CCSER1: variants seen among roughly 807,000 people sequenced by gnomAD.
The protein encoded by CCSER1 is coiled-coil serine rich protein 1.
In CCSER1, 41 loss-of-function variants were observed where a neutral mutation model predicts 82.0. The ratio of observed to expected loss-of-function variants is 0.50; its 90% confidence interval spans 0.39 to 0.65. The LOEUF (loss-of-function observed/expected upper bound fraction) is 0.65, where lower values mean the gene tolerates loss of function less well. CCSER1 is among the 30% of genes least tolerant of loss of function. The pLI is 0.00. For missense variants in CCSER1, 1,119 were observed against 1,064.2 expected (o/e 1.05, Z -0.72); for synonymous variants, 414 against 383.9 (o/e 1.08, Z -0.92).
chr4:91,286,841 A>T (rs1382849571), intron 10 of CCSER1, among the ~76,000 whole-genome samples: 1 of 151,938 alleles, frequency 6.6e-6, no homozygotes, highest in Admixed American at 6.6e-5. Flanking sequence ...TTTGGTTAAA[A>T]AAATTAAATG....
intron 10 of CCSER1, among the ~76,000 whole-genome samples, chr4:91,141,306 A>C (rs1428002676): frequency 6.6e-6 from 1 of 152,026 alleles, no homozygotes; most frequent in African/African-American, 2.4e-5. Flanking sequence ...GGCACCTGCC[A>C]CCACCTGACT....
intron 10 of CCSER1, among the ~76,000 whole-genome samples, chr4:91,103,366 C>T (rs1199471600): frequency 6.6e-6 from 1 of 152,094 alleles, no homozygotes; most frequent in Non-Finnish European, 1.5e-5. Flanking sequence ...CAGTGATCAC[C>T]ACATCCTCAC....
intron 1 of CCSER1, among the ~76,000 whole-genome samples, chr4:90,167,338 A>C (rs1391043804): frequency 6.6e-6 from 1 of 152,142 alleles, no homozygotes; most frequent in Admixed American, 6.6e-5. Flanking sequence ...GAATTTAAGA[A>C]ATTTATAAGA....
intron 1 of CCSER1, among the ~76,000 whole-genome samples, chr4:90,210,450 C>CTTTTTT (rs11438395): frequency 2.8e-5 from 4 of 141,284 alleles, no homozygotes; most frequent in Non-Finnish European, 4.6e-5. Flanking sequence ...CTTTTCTTTT[C>CTTTTTT]TTTTTTTTTT....
chr4:90,634,573 G>A (rs1013238243), intron 6 of CCSER1, among the ~76,000 whole-genome samples: 2 of 151,334 alleles, frequency 1.3e-5, no homozygotes, highest in African/African-American at 4.8e-5. Context: ...TGATTCAAAG[G>A]GCATTAATAA....
In CCSER1 at chr4:91,440,374, G is replaced by A. The variant is rs185987450; in HGVS notation, c.2218-158198G>A. On this transcript the variant is annotated intron_variant, in intron 10 of 10. Transcript: ENST00000509176. ...CTGCTCCTGAATGACTACTGGGTAC[G>A]TAACGAAATGAAGGCAGAAATAAAG... Among the ~76,000 whole-genome samples the A allele has an allele frequency of 1.4e-3, 211 of 152,184 alleles. 1 individual carries two copies. Among genetic ancestry groups the A allele is most frequent in the East Asian group, 3.1e-3 (16 of 5,178 alleles).
At chr4:90,598,102 G>A (rs904704338) in intron 5 of CCSER1, among the ~76,000 whole-genome samples, 5 of 152,052 alleles carry the variant, frequency 3.3e-5, no homozygotes, top group African/African-American at 1.2e-4. Flanking sequence ...CAATAAACAT[G>A]ACAGTGTAGC....
At chr4:91,365,283 T>G (rs1469610564) in intron 10 of CCSER1, among the ~76,000 whole-genome samples, 1 of 152,134 alleles carries the variant, frequency 6.6e-6, no homozygotes, top group Admixed American at 6.5e-5. Flanking sequence ...GCATACAAAC[T>G]TACTCATTTT....
intron 10 of CCSER1, among the ~76,000 whole-genome samples, chr4:91,391,666 G>T (rs1385893761): frequency 6.6e-6 from 1 of 152,102 alleles, no homozygotes; most frequent in Non-Finnish European, 1.5e-5. Context: ...CCAGCAGTCT[G>T]TTGCTAACTT....
At chr4:91,151,009 C>CT (rs1311208649) in intron 10 of CCSER1, among the ~76,000 whole-genome samples, 5 of 152,246 alleles carry the variant, frequency 3.3e-5, no homozygotes, top group African/African-American at 2.4e-5. Flanking sequence ...AGGATTCCCT[C>CT]TTTTTTTATT....
intron 9 of CCSER1, among the ~76,000 whole-genome samples, chr4:91,001,938 A>G (rs371530496): frequency 6.6e-6 from 1 of 152,130 alleles, no homozygotes; most frequent in Non-Finnish European, 1.5e-5. Context: ...AGCAGTTCTC[A>G]TAGTTCTGGC....
chr4:90,908,704 G>A (rs1041312770), intron 8 of CCSER1, among the ~76,000 whole-genome samples: 2 of 152,072 alleles, frequency 1.3e-5, no homozygotes, highest in Non-Finnish European at 2.9e-5. Flanking sequence ...TCAGTTTACA[G>A]CAGCTGCATT....
At chr4:90,249,660 A>G (rs1429576666) in intron 1 of CCSER1, among the ~76,000 whole-genome samples, 3 of 152,154 alleles carry the variant, frequency 2.0e-5, no homozygotes, top group African/African-American at 2.4e-5. Flanking sequence ...ATGTTGTAGC[A>G]TGTATCAGTA....
intron 1 of CCSER1, among the ~76,000 whole-genome samples, chr4:90,154,473 A>G (rs1727622646): frequency 6.6e-6 from 1 of 152,150 alleles, no homozygotes; most frequent in South Asian, 2.1e-4. Context: ...CTTGGGCAGT[A>G]TGGCCATGTT....
chr4:91,160,801 A>C (rs1283913055), intron 10 of CCSER1, among the ~76,000 whole-genome samples: 1 of 152,220 alleles, frequency 6.6e-6, no homozygotes, highest in Non-Finnish European at 1.5e-5. Flanking sequence ...TCTGGATATT[A>C]GCCCTTTGTC....
intron 5 of CCSER1, among the ~76,000 whole-genome samples, chr4:90,566,727 C>G (rs1043542995): frequency 1.1e-4 from 16 of 151,978 alleles, no homozygotes; most frequent in Admixed American, 9.2e-4. Context: ...CTCAGCCTCC[C>G]GAATAGCTGG....
intron 3 of CCSER1, among the ~76,000 whole-genome samples, chr4:90,324,721 T>A (rs1348959952): frequency 6.6e-6 from 1 of 152,186 alleles, no homozygotes; most frequent in Non-Finnish European, 1.5e-5. Context: ...TTGCTTTTGG[T>A]GTTTTAGACA....
chr4:91,230,932 A>G (rs1186656604), intron 10 of CCSER1, among the ~76,000 whole-genome samples: 1 of 151,858 alleles, frequency 6.6e-6, no homozygotes, highest in Non-Finnish European at 1.5e-5. Flanking sequence ...ATTCAAAAGA[A>G]TTTTAGAATA....
At chr4:91,262,398 G>A (rs571008290) in intron 10 of CCSER1, among the ~76,000 whole-genome samples, 2 of 152,034 alleles carry the variant, frequency 1.3e-5, no homozygotes, top group East Asian at 1.9e-4. Context: ...GGCACTCAAG[G>A]TATGTGGTAT....
Sources: allele counts gnomAD v4.1 joint callset (sites outside exome capture counted in the v4.1 genomes callset), GRCh38; gene constraint gnomAD v4.1.1; transcripts MANE v1.5; gene names NCBI Gene and HGNC (gene_info 2026-07-23, HGNC 2026-07-21).